CNOT6L: variants seen among roughly 807,000 people sequenced by gnomAD.
The protein encoded by CNOT6L is CCR4-NOT transcription complex subunit 6-like.
In CNOT6L, 7 loss-of-function variants were observed where a neutral mutation model predicts 64.0. That is an observed-to-expected ratio of 0.11 (90% CI 0.06 to 0.21). CNOT6L has a LOEUF of 0.21. CNOT6L is among the 10% of genes least tolerant of loss of function. The probability of loss-of-function intolerance (pLI) is 1.00; values close to 1 mark genes in which losing one functional copy is unlikely to be tolerated. For synonymous variants in CNOT6L, 193 were observed against 243.4 expected, an observed-to-expected ratio of 0.79 and a Z score of 1.93; for missense variants, 245 against 669.0, an observed-to-expected ratio of 0.37 and a Z score of 6.99.
chr4:77,725,750 T>C (rs1685186322), intron 11 of CNOT6L, among the ~76,000 whole-genome samples: 1 of 152,106 alleles, frequency 6.6e-6, no homozygotes, highest in African/African-American at 2.4e-5. Flanking sequence ...GAGAAAATAC[T>C]ATATAAATTC....
At chr4:77,740,438 G>A (rs1723454642) in intron 8 of CNOT6L, among the ~76,000 whole-genome samples, 1 of 152,050 alleles carries the variant, frequency 6.6e-6, no homozygotes, top group Non-Finnish European at 1.5e-5. Flanking sequence ...CTTATAAGAG[G>A]TATTAGTGAT....
intron 4 of CNOT6L, 115 bp from the exon 5 acceptor site, chr4:77,757,066 C>G (rs1358869203): frequency 1.9e-6 from 1 of 526,028 alleles, no homozygotes; most frequent in Admixed American, 3.6e-5. Flanking sequence ...AAATTGAATT[C>G]TACTATATTT....
intron 11 of CNOT6L, among the ~76,000 whole-genome samples, chr4:77,722,445 C>T (rs1043076791): frequency 1.1e-4 from 16 of 152,094 alleles, no homozygotes; most frequent in African/African-American, 3.9e-4. Flanking sequence ...CACCTGTAGT[C>T]CCAGCTCCTA....
chr4:77,818,806 A>G (rs1413951871), intron 1 of CNOT6L, among the ~76,000 whole-genome samples: 1 of 150,570 alleles, frequency 6.6e-6, no homozygotes, highest in Non-Finnish European at 1.5e-5. Context: ...GCGGGCGCCC[A>G]GGCAGTTAGG....
At chr4:77,788,788 A>G (rs758681267) in intron 1 of CNOT6L, among the ~76,000 whole-genome samples, 6 of 152,012 alleles carry the variant, frequency 3.9e-5, no homozygotes, top group Non-Finnish European at 5.9e-5. Context: ...GCAAATGTGT[A>G]ATACATATAT....
chr4:77,777,853 T>C (rs1728324704), intron 1 of CNOT6L, among the ~76,000 whole-genome samples: 1 of 152,200 alleles, frequency 6.6e-6, no homozygotes, highest in Non-Finnish European at 1.5e-5. Flanking sequence ...AAAGCTAGTT[T>C]ATAAGAATGC....
At chr4:77,768,011 A>T (rs576964193) in intron 4 of CNOT6L, among the ~76,000 whole-genome samples, 1 of 152,000 alleles carries the variant, frequency 6.6e-6, no homozygotes, top group Non-Finnish European at 1.5e-5. Flanking sequence ...ATCAGTTACA[A>T]ATGAATTAAA....
chr4:77,748,151 C>T (rs1724420733), intron 6 of CNOT6L, among the ~76,000 whole-genome samples, 165 bp downstream of exon 6: 1 of 152,122 alleles, frequency 6.6e-6, no homozygotes, highest in Non-Finnish European at 1.5e-5. Context: ...CACCTATTGA[C>T]AGGTCTATCT....
At chr4:77,777,208 G>A (rs1262423230) in intron 1 of CNOT6L, among the ~76,000 whole-genome samples, 3 of 152,176 alleles carry the variant, frequency 2.0e-5, no homozygotes, top group African/African-American at 7.2e-5. Flanking sequence ...TTGTTCTGAA[G>A]CAATTATTAT....
In CNOT6L at chr4:77,716,344, A is replaced by ACAC. The variant is rs1358413644; in HGVS notation, c.*4084_*4086dup. On this transcript the variant is annotated 3_prime_UTR_variant, in exon 12 of 12. Transcript: ENST00000504123. ...AGCTTAGAATCAAATAAGCATTGGG[A>ACAC]CACAGTCAATTTTATCATTAGAAAA... The ACAC allele has an allele frequency of 6.6e-6, 1 of 152,080 alleles. No individual in the cohort carries two copies. The highest frequency in any genetic ancestry group is 1.5e-5 in the Non-Finnish European group (1 of 67,976). 9.4% of individuals were successfully genotyped at this position (152,080 alleles called of 1,614,324 possible). A position where few individuals can be genotyped will look rare whatever the true frequency, so the allele number is the denominator to read the frequency against.
intron 1 of CNOT6L, among the ~76,000 whole-genome samples, chr4:77,783,258 A>G (rs1343906192): frequency 6.6e-6 from 1 of 151,908 alleles, no homozygotes; most frequent in African/African-American, 2.4e-5. Flanking sequence ...GACCAGTTTA[A>G]CATTTATTCA....
chr4:77,732,956 G>A (rs1253918154), intron 8 of CNOT6L, among the ~76,000 whole-genome samples: 1 of 152,038 alleles, frequency 6.6e-6, no homozygotes, highest in Non-Finnish European at 1.5e-5. Context: ...AGTTTGTGAG[G>A]TTATCTGAAA....
At chr4:77,785,208 A>G (rs1243720228) in intron 1 of CNOT6L, among the ~76,000 whole-genome samples, 1 of 152,226 alleles carries the variant, frequency 6.6e-6, no homozygotes, top group African/African-American at 2.4e-5. Flanking sequence ...TGCTAGAACA[A>G]TGGTATATCC....
intron 1 of CNOT6L, chr4:77,819,005 G>C (rs1353929254): frequency 1.5e-6 from 1 of 668,982 alleles, no homozygotes; most frequent in Non-Finnish European, 2.7e-6. Context: ...GCCACAAAGC[G>C]GGAGGGACAC....
rs745580033 is a variant in CNOT6L at position 77,728,835 on chromosome 4, G to T, written c.1252+19C>A. On this transcript the variant is annotated intron_variant, in intron 10 of 11. Coordinates refer to ENST00000504123, the MANE Select transcript of CNOT6L (RefSeq NM_144571.3). The stretch of plus-strand genomic sequence containing the variant: ...TAAAAGTGAAATTGAAAGCAGTGAG[G>T]AAATGATATTATAAATACCTGAATC... The T allele has an allele frequency of 1.3e-4, 211 of 1,593,194 alleles. No homozygotes were observed. The highest frequency in any genetic ancestry group is 1.8e-4 in the Non-Finnish European group (205 of 1,161,342).
chr4:77,794,625 C>T (rs2110120305), intron 1 of CNOT6L, among the ~76,000 whole-genome samples: 1 of 152,244 alleles, frequency 6.6e-6, no homozygotes, highest in Non-Finnish European at 1.5e-5. Flanking sequence ...AGTGAATTTA[C>T]TTAGCCTGAT....
At chr4:77,750,044 G>A (rs1029020014) in intron 5 of CNOT6L, among the ~76,000 whole-genome samples, 1 of 151,918 alleles carries the variant, frequency 6.6e-6, no homozygotes, top group Non-Finnish European at 1.5e-5. Context: ...TATTCAAGTG[G>A]AAATATATCC....
At chr4:77,745,116 A>AT (rs1478438051) in intron 6 of CNOT6L, among the ~76,000 whole-genome samples, 2 of 152,234 alleles carry the variant, frequency 1.3e-5, no homozygotes, top group African/African-American at 4.8e-5. Context: ...TTTTAAGGAA[A>AT]TTTATTTTAA....
At chr4:77,802,066 A>G (rs1731648719) in intron 1 of CNOT6L, among the ~76,000 whole-genome samples, 1 of 152,250 alleles carries the variant, frequency 6.6e-6, no homozygotes, top group Non-Finnish European at 1.5e-5. Flanking sequence ...AGTGAAGAAT[A>G]TGTGTAAATT....
Sources: gnomAD v4.1 joint callset for allele counts (sites outside exome capture counted in the v4.1 genomes callset) on GRCh38, gnomAD v4.1.1 for gene constraint, MANE v1.5 for transcripts, NCBI Gene and HGNC (gene_info 2026-07-23, HGNC 2026-07-21) for gene names.